ULK4: variants seen among roughly 807,000 people sequenced by gnomAD.
ULK4 encodes the protein inactive serine/threonine-protein kinase ULK4.
Under a neutral mutation model 160.6 loss-of-function variants are expected in ULK4, and 133 were observed. The observed-to-expected ratio is 0.83, with a 90% CI of 0.72 to 0.96. ULK4 has a LOEUF of 0.96. ULK4 is among the 40% of genes least tolerant of loss of function. The pLI is 0.00. For missense variants in ULK4, 1,580 were observed against 1,499.5 expected (o/e 1.05, Z -0.89); for synonymous variants, 534 against 539.8 (o/e 0.99, Z 0.15).
At chr3:41,654,794 A>C (rs1224761052) in intron 30 of ULK4, among the ~76,000 whole-genome samples, 1 of 152,248 alleles carries the variant, frequency 6.6e-6, no homozygotes, top group Non-Finnish European at 1.5e-5. Flanking sequence ...AAGAAAGGGC[A>C]AGTTAAAAAC....
At chr3:41,891,437 G>T (rs1162946245) in intron 16 of ULK4, among the ~76,000 whole-genome samples, 2 of 150,334 alleles carry the variant, frequency 1.3e-5, no homozygotes, top group African/African-American at 4.9e-5. Context: ...AAATTTACAG[G>T]CCTGAAATGA....
chr3:41,781,955 A>G (rs1408375648), intron 21 of ULK4, among the ~76,000 whole-genome samples: 2 of 152,146 alleles, frequency 1.3e-5, no homozygotes, highest in East Asian at 3.9e-4. Context: ...ACAAACAAAC[A>G]TACAAACAAA....
intron 34 of ULK4, among the ~76,000 whole-genome samples, chr3:41,443,857 TATG>T (rs922493731): frequency 2.9e-4 from 44 of 152,250 alleles, no homozygotes; most frequent in African/African-American, 1.0e-3. Context: ...TATTTTCCCA[TATG>T]ATTAAATATG....
At chr3:41,741,797 G>A (rs2038247198) in intron 22 of ULK4, among the ~76,000 whole-genome samples, 1 of 151,842 alleles carries the variant, frequency 6.6e-6, no homozygotes, top group Non-Finnish European at 1.5e-5. Context: ...AGATGGAGTA[G>A]GATCAAAACA....
At chr3:41,868,801 T>A (rs955537014) in intron 17 of ULK4, among the ~76,000 whole-genome samples, 3 of 149,202 alleles carry the variant, frequency 2.0e-5, no homozygotes, top group African/African-American at 7.7e-5. Flanking sequence ...CAGCTAGGTC[T>A]TTTTTTTCCC....
At chr3:41,476,537 T>A (rs1364240289) in intron 32 of ULK4, among the ~76,000 whole-genome samples, 1 of 152,132 alleles carries the variant, frequency 6.6e-6, no homozygotes, top group Non-Finnish European at 1.5e-5. Context: ...TCTGTCTTCA[T>A]CTTCCACGAA....
chr3:41,343,690 T>G (rs963852553), intron 35 of ULK4, among the ~76,000 whole-genome samples: 3 of 152,166 alleles, frequency 2.0e-5, no homozygotes, highest in African/African-American at 7.2e-5. Flanking sequence ...ATCGCTAGTA[T>G]TCCTATACAC....
chr3:41,357,488 G>C (rs924516525), intron 35 of ULK4, among the ~76,000 whole-genome samples: 2 of 152,148 alleles, frequency 1.3e-5, no homozygotes, highest in Non-Finnish European at 2.9e-5. Flanking sequence ...ATTATAGATT[G>C]CATGTGGTCT....
At chr3:41,673,235 T>C (rs987575905) in intron 29 of ULK4, among the ~76,000 whole-genome samples, 2 of 152,144 alleles carry the variant, frequency 1.3e-5, no homozygotes, top group African/African-American at 4.8e-5. Context: ...GTCAAGTTCA[T>C]ACCTATTTTA....
chr3:41,384,688 G>C lies in ULK4; in HGVS notation c.3678+13391C>G, dbSNP rs150868242. On this transcript the variant is annotated intron_variant, in intron 35 of 36. Coordinates refer to ENST00000301831, the MANE Select transcript of ULK4 (RefSeq NM_017886.4). ...CAACCTCTGCCTCCCAGGTACAAGC[G>C]ATTCTCCTGCCTCGGCCTCCTGAGT... Among the ~76,000 whole-genome samples the C allele has an allele frequency of 6.7e-3, 1,015 of 152,156 alleles. 3 individuals carry two copies. Among genetic ancestry groups the C allele is most frequent in the African/African-American group, 0.015 (624 of 41,512 alleles).
At chr3:41,521,479 C>T (rs2085930678) in intron 32 of ULK4, among the ~76,000 whole-genome samples, 1 of 152,094 alleles carries the variant, frequency 6.6e-6, no homozygotes, top group Admixed American at 6.5e-5. Flanking sequence ...TTATTTCCCA[C>T]CCTAAACTCT....
chr3:41,492,452 G>T (rs7628138), intron 32 of ULK4, among the ~76,000 whole-genome samples: 1 of 150,044 alleles, frequency 6.7e-6, no homozygotes, highest in East Asian at 1.9e-4. Context: ...AGGAACAACC[G>T]GTACCAGCCA....
rs543058493 is a variant in ULK4 at position 41,274,831 on chromosome 3, G to A, written c.3679-25257C>T. ...CATTTCTCTGAGTCTCATGTATCTC[G>A]TGGATTCATGTACCAAGGACTTCTA... is the stretch of plus-strand genomic sequence containing the variant. On this transcript the variant is annotated intron_variant, in intron 35 of 36. Coordinates refer to ENST00000301831, the MANE Select transcript of ULK4 (RefSeq NM_017886.4). Among the ~76,000 whole-genome samples, 20 of 152,244 alleles carry A rather than the reference G, an allele frequency of 1.3e-4. No individual in the cohort carries two copies. In the South Asian group the frequency reaches 2.7e-3, roughly 21 times the overall value.
At chr3:41,909,333 TC>T (rs1285435169) in intron 11 of ULK4, among the ~76,000 whole-genome samples, 1 of 151,984 alleles carries the variant, frequency 6.6e-6, no homozygotes, top group East Asian at 1.9e-4. Context: ...TATCTGTTGA[TC>T]CCCTCATTAA....
chr3:41,579,192 T>TA (rs2030013907), intron 31 of ULK4, among the ~76,000 whole-genome samples: 1 of 152,164 alleles, frequency 6.6e-6, no homozygotes, highest in African/African-American at 2.4e-5. Flanking sequence ...TGTATTCCAA[T>TA]AAATGAGCTT....
intron 30 of ULK4, among the ~76,000 whole-genome samples, chr3:41,618,216 G>A (rs938726226): frequency 1.3e-5 from 2 of 152,124 alleles, no homozygotes; most frequent in African/African-American, 2.4e-5. Flanking sequence ...TATTATCCAG[G>A]AGAACTTCCC....
chr3:41,845,638 G>T (rs966674665), intron 17 of ULK4, among the ~76,000 whole-genome samples: 2 of 152,052 alleles, frequency 1.3e-5, no homozygotes, highest in Non-Finnish European at 2.9e-5. Flanking sequence ...TTGTAAAATT[G>T]TATTATACTT....
chr3:41,742,604 C>T (rs1023281238), intron 22 of ULK4, among the ~76,000 whole-genome samples: 2 of 151,808 alleles, frequency 1.3e-5, no homozygotes, highest in African/African-American at 2.4e-5. Flanking sequence ...CCAAGAAAAT[C>T]GCATGAATCA....
chr3:41,283,223 G>T (rs748186815), intron 35 of ULK4, among the ~76,000 whole-genome samples: 2 of 152,218 alleles, frequency 1.3e-5, no homozygotes, highest in Non-Finnish European at 2.9e-5. Flanking sequence ...GTCAACCATT[G>T]TGGAAGACAG....
Sources: allele counts gnomAD v4.1 joint callset (sites outside exome capture counted in the v4.1 genomes callset), GRCh38; gene constraint gnomAD v4.1.1; transcripts MANE v1.5; gene names NCBI Gene and HGNC (gene_info 2026-07-23, HGNC 2026-07-21).